The following CAMK4 variants were observed in gnomAD, a reference collection of about 807,000 sequenced individuals.
CAMK4 encodes the protein calcium/calmodulin-dependent protein kinase type IV.
CAMK4 carries 22 observed loss-of-function variants against 44.9 expected under a neutral mutation model. That is an observed-to-expected ratio of 0.49 (90% CI 0.35 to 0.70). The LOEUF (loss-of-function observed/expected upper bound fraction) is 0.70. CAMK4 is among the 30% of genes least tolerant of loss of function. The probability of loss-of-function intolerance (pLI) is 0.01; values close to 1 mark genes in which losing one functional copy is unlikely to be tolerated. For synonymous variants in CAMK4, 218 were observed against 215.4 expected (o/e 1.01, Z -0.11); for missense variants, 498 against 586.8 (o/e 0.85, Z 1.56).
At chr5:111,418,335 G>T (rs1241758385) in intron 5 of CAMK4, among the ~76,000 whole-genome samples, 1 of 152,124 alleles carries the variant, frequency 6.6e-6, no homozygotes, top group Non-Finnish European at 1.5e-5. Flanking sequence ...ATATCACAAG[G>T]CAAGTGGAGG....
chr5:111,324,517 A>C (rs942527402), intron 1 of CAMK4, among the ~76,000 whole-genome samples: 5 of 152,130 alleles, frequency 3.3e-5, no homozygotes, highest in African/African-American at 1.2e-4. Flanking sequence ...TTAATACATC[A>C]GAAAGTCATA....
At chr5:111,252,587 C>T (rs1428038) in intron 1 of CAMK4, among the ~76,000 whole-genome samples, 33,140 of 152,088 alleles carry the variant, frequency 0.22, 4,106 homozygotes, top group African/African-American at 0.34. Context: ...ACACGTAATA[C>T]TCAGTTTAAG....
intron 8 of CAMK4, 115 bp from the exon 9 acceptor site, chr5:111,478,266 C>T (rs1755316152): frequency 3.5e-6 from 2 of 573,660 alleles, no homozygotes; most frequent in East Asian, 5.9e-5. Flanking sequence ...GCTGAGTAGA[C>T]TTGCTTCCAT....
chr5:111,484,402 G>A lies in CAMK4; in HGVS notation c.1358G>A (p.Gly453Glu). 1 of 1,572,534 alleles carries A rather than the reference G, an allele frequency of 6.4e-7. No individual in the cohort carries two copies. The highest frequency in any genetic ancestry group is 1.2e-5 in the South Asian group (1 of 84,312). ...GAGGAGGCAGCAGCTCCCAGAGAAG[G>A]GCAAGGAAGCTCTGCTGTGGGTTTT... ...TVEEAAAPRE[G>E]QGSSAVGFEV... The change falls in exon 11 of 11, where the codon GGG becomes GAG. Residue 453 changes from glycine (G) to glutamate (E), a missense_variant. Physicochemically the swap from Gly to Glu is moderately conservative, Grantham distance 98. Around this residue, in one of 3 missense-constraint regions of CAMK4, gnomAD observed 143 missense variants for 144.9 expected, o/e 0.99. Coordinates refer to ENST00000282356, the MANE Select transcript of CAMK4 (RefSeq NM_001744.6). The surrounding 1 kb of genome is among the most constrained non-coding windows in gnomAD (Gnocchi z 5.3).
intron 1 of CAMK4, among the ~76,000 whole-genome samples, chr5:111,294,678 T>C (rs1561391636): frequency 6.6e-6 from 1 of 152,094 alleles, no homozygotes; most frequent in Non-Finnish European, 1.5e-5. Context: ...ATTTCTATTT[T>C]TTTTTTTTTT....
At chr5:111,236,121 C>T (rs568549140) in intron 1 of CAMK4, among the ~76,000 whole-genome samples, 159 of 152,332 alleles carry the variant, frequency 1.0e-3, no homozygotes, top group Admixed American at 3.3e-3. Flanking sequence ...AATGAGATCA[C>T]AAATGTGAAA....
At chr5:111,320,566 G>C (rs1748620975) in intron 1 of CAMK4, among the ~76,000 whole-genome samples, 2 of 152,148 alleles carry the variant, frequency 1.3e-5, no homozygotes, top group South Asian at 4.1e-4. Flanking sequence ...GAGTGCAATG[G>C]CACAATCTCT....
rs76151326 is a variant in CAMK4, at chr5:111,254,243, T to C, written c.161+29599T>C. ...TCCTGCTTCATTAATGTCTATAAGT[T>C]TGTTACAAAGACAGAAACTGACAGG... On this transcript the variant is annotated intron_variant, in intron 1 of 10. Coordinates refer to ENST00000282356, the MANE Select transcript of CAMK4 (RefSeq NM_001744.6). 3.2e-3 allele frequency among the ~76,000 whole-genome samples: 482 copies of C among 152,320 alleles called. 6 individuals carry two copies. Among genetic ancestry groups the C allele is most frequent in the East Asian group, 0.019 (97 of 5,182 alleles).
intron 4 of CAMK4, among the ~76,000 whole-genome samples, chr5:111,384,455 G>T (rs917717620): frequency 6.6e-6 from 1 of 152,066 alleles, no homozygotes; most frequent in Non-Finnish European, 1.5e-5. Context: ...CTCACCTGTG[G>T]CTTGAGCCAC....
chr5:111,320,296 T>C (rs531900409), intron 1 of CAMK4, among the ~76,000 whole-genome samples: 4 of 152,236 alleles, frequency 2.6e-5, no homozygotes, highest in Non-Finnish European at 4.4e-5. Flanking sequence ...GGGAGGGTCA[T>C]GGTCAGATTT....
intron 1 of CAMK4, among the ~76,000 whole-genome samples, chr5:111,339,123 A>G (rs1749533758): frequency 6.6e-6 from 1 of 151,306 alleles, no homozygotes; most frequent in Non-Finnish European, 1.5e-5. Context: ...TATTTTGCAT[A>G]TTAACCCCTT....
At chr5:111,426,481 T>G (rs968560776) in intron 5 of CAMK4, among the ~76,000 whole-genome samples, 2 of 152,144 alleles carry the variant, frequency 1.3e-5, no homozygotes, top group African/African-American at 4.8e-5. Context: ...CATCTCCTCT[T>G]TTGCAAAGAC....
At position 111,484,468 on chromosome 5, in the gene CAMK4, C is replaced by T. The variant is rs1209091730; in HGVS notation, c.*2C>T. 1 of 1,494,632 alleles carries T rather than the reference C, an allele frequency of 6.7e-7. No individual in the cohort carries two copies. Among genetic ancestry groups the T allele is most frequent in the African/African-American group, 1.4e-5 (1 of 71,540 alleles). The allele number at this position is 1,494,632 out of a possible 1,614,324, so 92.6% of individuals were successfully genotyped here. On this transcript the variant is annotated 3_prime_UTR_variant, in exon 11 of 11. Transcript: ENST00000282356. The surrounding 1 kb of genome is among the most constrained non-coding windows in gnomAD (Gnocchi z 5.3). ...GATGTGATCCTGCCAGAGTACTAAA[C>T]AGCTTCCTTCAGATCTGGAAGCCAA...
At chr5:111,322,069 A>G (rs746800512) in intron 1 of CAMK4, among the ~76,000 whole-genome samples, 1 of 152,056 alleles carries the variant, frequency 6.6e-6, no homozygotes, top group Admixed American at 6.6e-5. Flanking sequence ...AACAACCTAG[A>G]CTATAGTTAT....
At chr5:111,443,967 A>G (rs1050277600) in intron 5 of CAMK4, among the ~76,000 whole-genome samples, 11 of 152,150 alleles carry the variant, frequency 7.2e-5, no homozygotes, top group Non-Finnish European at 1.5e-4. Context: ...GGGACACCGC[A>G]TGTTTTCCCT....
chr5:111,355,217 C>T (rs1049956313), intron 2 of CAMK4, among the ~76,000 whole-genome samples: 1 of 152,080 alleles, frequency 6.6e-6, no homozygotes, highest in African/African-American at 2.4e-5. Context: ...AGGATTCTGT[C>T]AGTTGGAACC....
chr5:111,417,056 A>C (rs1386154460), intron 5 of CAMK4, among the ~76,000 whole-genome samples: 2 of 151,916 alleles, frequency 1.3e-5, no homozygotes, highest in Non-Finnish European at 2.9e-5. Context: ...TAATTTTTTT[A>C]TTTGTATGTA....
At chr5:111,350,240 G>T (rs569891062) in intron 2 of CAMK4, among the ~76,000 whole-genome samples, 10 of 152,098 alleles carry the variant, frequency 6.6e-5, no homozygotes, top group Non-Finnish European at 1.2e-4. Flanking sequence ...TAATATACAT[G>T]ATGAACATTA....
chr5:111,226,844 A>G lies in CAMK4; in HGVS notation c.161+2200A>G, dbSNP rs563511864. ...GATCAAAATTTGAAGTACGATTTCT[A>G]CTGAATGCTATCACTTTCCCACCAT... On this transcript the variant is annotated intron_variant, in intron 1 of 10. Transcript: ENST00000282356. Among the ~76,000 whole-genome samples, 5 of 152,346 alleles carry G rather than the reference A, an allele frequency of 3.3e-5. 1 individual carries two copies. The South Asian group carries it at 6.2e-4, about 19-fold the overall frequency.
Sources: allele counts gnomAD v4.1 joint callset (sites outside exome capture counted in the v4.1 genomes callset), GRCh38; gene constraint gnomAD v4.1.1; regional missense constraint gnomAD v4.1.1; non-coding constraint Gnocchi (gnomAD v3.1); transcripts MANE v1.5; gene names NCBI Gene and HGNC (gene_info 2026-07-23, HGNC 2026-07-21).